The following PARD3 variants were observed in gnomAD, a reference collection of about 807,000 sequenced individuals.
The protein encoded by PARD3 is par-3 family cell polarity regulator, also known as partitioning defective 3 homolog.
A neutral mutation model predicts 155.4 loss-of-function variants in PARD3; 75 were observed. The ratio of observed to expected loss-of-function variants is 0.48; its 90% CI spans 0.40 to 0.58. The LOEUF (loss-of-function observed/expected upper bound fraction) is 0.58, where lower values mean the gene tolerates loss of function less well. Ranked by LOEUF, PARD3 falls within the 20% of genes least tolerant of loss-of-function variation. PARD3 has a pLI of 0.00. For missense variants in PARD3, 1,642 were observed against 1,721.7 expected (o/e 0.95, Z 0.82); for synonymous variants, 576 against 610.5 (o/e 0.94, Z 0.83).
intron 22 of PARD3, among the ~76,000 whole-genome samples, chr10:34,223,008 C>T (rs1952389212): frequency 6.6e-6 from 1 of 152,172 alleles, no homozygotes; most frequent in African/African-American, 2.4e-5. Flanking sequence ...CAGGCCTTCC[C>T]TTTAGTCATC....
chr10:34,307,053 ATT>A (rs10712326), intron 20 of PARD3, among the ~76,000 whole-genome samples: 3 of 150,746 alleles, frequency 2.0e-5, no homozygotes, highest in African/African-American at 2.4e-5. Context: ...CGCCCGGCTA[ATT>A]TTTTTTTTGT....
chr10:34,144,343 T>TA (rs1948352839), intron 22 of PARD3, among the ~76,000 whole-genome samples: 1 of 152,234 alleles, frequency 6.6e-6, no homozygotes, highest in Non-Finnish European at 1.5e-5. Flanking sequence ...CCAAGACTTT[T>TA]AAAGCTTTCA....
intron 20 of PARD3, among the ~76,000 whole-genome samples, chr10:34,308,669 T>C (rs1262393081): frequency 6.6e-6 from 1 of 151,150 alleles, no homozygotes; most frequent in Non-Finnish European, 1.5e-5. Context: ...CAAGTGAATG[T>C]GTCAAGAAGA....
chr10:34,785,980 C>T (rs1355001584), intron 1 of PARD3, among the ~76,000 whole-genome samples: 3 of 152,036 alleles, frequency 2.0e-5, no homozygotes, highest in Admixed American at 2.0e-4. Flanking sequence ...AGAGTAAGAC[C>T]CTGTCTCAAA....
At chr10:34,713,222 T>A (rs181645903) in intron 1 of PARD3, among the ~76,000 whole-genome samples, 2,046 of 149,400 alleles carry the variant, frequency 0.014, 54 homozygotes, top group African/African-American at 0.046. Context: ...AAAAATAAAT[T>A]AATTAATTAA....
intron 2 of PARD3, among the ~76,000 whole-genome samples, chr10:34,569,669 C>T (rs1415435758): frequency 2.0e-5 from 3 of 151,998 alleles, no homozygotes; most frequent in East Asian, 1.9e-4. Context: ...CGCCCGCCTC[C>T]GCCTGCCAAA....
At chr10:34,799,771 A>G (rs1302398736) in intron 1 of PARD3, among the ~76,000 whole-genome samples, 2 of 151,602 alleles carry the variant, frequency 1.3e-5, no homozygotes, top group African/African-American at 4.9e-5. Flanking sequence ...TGGGAGGGTC[A>G]CTTGAGCCCA....
chr10:34,153,516 G>C (rs1487095147), intron 22 of PARD3, among the ~76,000 whole-genome samples: 1 of 152,138 alleles, frequency 6.6e-6, no homozygotes. Context: ...TACAAGATTA[G>C]TACATTTGAA....
chr10:34,398,884 T>C lies in PARD3; in HGVS notation c.890+446A>G, dbSNP rs1421285572. On this transcript the variant is annotated intron_variant, in intron 7 of 24. Coordinates refer to ENST00000374788, the MANE Select transcript of PARD3 (RefSeq NM_001184785.2). ...ATTTCATATTAAAGGTTTTTAACAA[T>C]AAAAAAACTCATAAAATTGAAGAAC... 4.6e-5 allele frequency among the ~76,000 whole-genome samples: 7 copies of C among 152,064 alleles called. No homozygotes were observed. The East Asian group carries it at 1.3e-3, about 29-fold the overall frequency.
At chr10:34,675,154 A>G (rs1308966134) in intron 2 of PARD3, among the ~76,000 whole-genome samples, 1 of 152,158 alleles carries the variant, frequency 6.6e-6, no homozygotes. Flanking sequence ...CAGGTAACCT[A>G]TAATTTATAT....
intron 2 of PARD3, among the ~76,000 whole-genome samples, chr10:34,650,196 C>T (rs2263157): frequency 0.52 from 78,922 of 152,160 alleles, 23,968 homozygotes; most frequent in African/African-American, 0.86. Context: ...CATGATCAAG[C>T]ACCATGCACC....
intron 22 of PARD3, among the ~76,000 whole-genome samples, chr10:34,255,664 T>C (rs149621005): frequency 1.3e-5 from 2 of 152,328 alleles, no homozygotes; most frequent in African/African-American, 4.8e-5. Flanking sequence ...AGTTCTGAAA[T>C]GGCAAACTTT....
chr10:34,492,306 C>A (rs1265902190), intron 3 of PARD3, among the ~76,000 whole-genome samples: 1 of 152,134 alleles, frequency 6.6e-6, no homozygotes, highest in Admixed American at 6.5e-5. Flanking sequence ...CAGGCTCGCA[C>A]CTGCTCAGGT....
chr10:34,529,137 C>T (rs932505335), intron 2 of PARD3, among the ~76,000 whole-genome samples: 3 of 152,068 alleles, frequency 2.0e-5, no homozygotes, highest in Non-Finnish European at 2.9e-5. Flanking sequence ...GTCCATGGTA[C>T]AAAAAAGAGT....
intron 22 of PARD3, among the ~76,000 whole-genome samples, chr10:34,146,563 C>T (rs1423790965): frequency 6.6e-6 from 1 of 152,210 alleles, no homozygotes; most frequent in Non-Finnish European, 1.5e-5. Context: ...TATACTCAAA[C>T]TAGTTTTCCT....
chr10:34,310,173 T>C (rs1274303724), intron 20 of PARD3, among the ~76,000 whole-genome samples: 3 of 152,218 alleles, frequency 2.0e-5, no homozygotes, highest in East Asian at 1.9e-4. Flanking sequence ...TTATATTTAA[T>C]GTAAACAATA....
At chr10:34,190,523 T>C (rs1035952741) in intron 22 of PARD3, among the ~76,000 whole-genome samples, 21 of 152,218 alleles carry the variant, frequency 1.4e-4, no homozygotes, top group Non-Finnish European at 2.9e-4. Context: ...ATAAACTAAA[T>C]GCCCTTTGAG....
At chr10:34,355,304 G>T (rs969784266) in intron 14 of PARD3, among the ~76,000 whole-genome samples, 9 of 152,078 alleles carry the variant, frequency 5.9e-5, no homozygotes, top group African/African-American at 1.9e-4. Flanking sequence ...CTCTAGCCTA[G>T]GCAACAGAGC....
intron 2 of PARD3, among the ~76,000 whole-genome samples, chr10:34,685,668 A>G (rs1198895552): frequency 1.3e-5 from 2 of 150,476 alleles, no homozygotes; most frequent in Non-Finnish European, 2.9e-5. Context: ...ATCTCGGCTC[A>G]CTACAACCTC....
Sources: gnomAD v4.1 joint callset for allele counts (sites outside exome capture counted in the v4.1 genomes callset) on GRCh38, gnomAD v4.1.1 for gene constraint, MANE v1.5 for transcripts, NCBI Gene and HGNC (gene_info 2026-07-23, HGNC 2026-07-21) for gene names.